RPTOR: variants seen among roughly 807,000 people sequenced by gnomAD.
RPTOR encodes the protein regulatory-associated protein of mTOR.
Under a neutral mutation model 169.9 loss-of-function variants are expected in RPTOR, and 21 were observed. That is an observed-to-expected ratio of 0.12 (90% CI 0.09 to 0.18). The LOEUF (loss-of-function observed/expected upper bound fraction) is 0.18. RPTOR is among the 10% of genes least tolerant of loss of function. The pLI, the probability that RPTOR is intolerant of heterozygous loss-of-function variation, is 1.00. For missense variants in RPTOR, 1,133 were observed against 1,855.9 expected, an observed-to-expected ratio of 0.61 and a Z score of 7.16; for synonymous variants, 732 against 753.2, an observed-to-expected ratio of 0.97 and a Z score of 0.46.
intron 6 of RPTOR, among the ~76,000 whole-genome samples, chr17:80,763,253 A>AAT (rs1567899185): frequency 6.6e-6 from 1 of 152,118 alleles, no homozygotes; most frequent in African/African-American, 2.4e-5. Context: ...CTCTAAAAAA[A>AAT]AATAATAATA....
At chr17:80,716,007 G>A (rs1256557435) in intron 4 of RPTOR, among the ~76,000 whole-genome samples, 2 of 152,154 alleles carry the variant, frequency 1.3e-5, no homozygotes, top group Admixed American at 1.3e-4. Flanking sequence ...TTGCAATTGC[G>A]AATTGTGCTG....
chr17:80,850,011 T>C (rs191441916), intron 11 of RPTOR, among the ~76,000 whole-genome samples: 1 of 152,344 alleles, frequency 6.6e-6, no homozygotes, highest in East Asian at 1.9e-4. Context: ...TTCTTCTTTC[T>C]TTTTCAGGAA....
intron 11 of RPTOR, among the ~76,000 whole-genome samples, chr17:80,853,239 T>G (rs1319006332): frequency 6.6e-6 from 1 of 152,166 alleles, no homozygotes; most frequent in East Asian, 1.9e-4. Context: ...CCCCCATCAC[T>G]GACCTCAGTC....
rs185333074 is a variant in RPTOR, at chr17:80,625,519, C to T, written c.163-172C>T. The stretch of plus-strand genomic sequence containing the variant: ...GTGAAACCCTGCCTTCAAAGAAGGG[C>T]GTTACTCCTGCACTAGGGCTGGGGT... On this transcript the variant is annotated intron_variant, in intron 1 of 33. Coordinates refer to ENST00000306801, the MANE Select transcript of RPTOR (RefSeq NM_020761.3). 1.1e-3 allele frequency among the ~76,000 whole-genome samples: 163 copies of T among 152,248 alleles called. 1 individual carries two copies. Among genetic ancestry groups the T allele is most frequent in the African/African-American group, 3.6e-3 (148 of 41,538 alleles).
At chr17:80,924,057 G>A (rs1237661963) in intron 23 of RPTOR, 7 of 279,136 alleles carry the variant, frequency 2.5e-5, no homozygotes, top group Non-Finnish European at 3.4e-5. Flanking sequence ...CTCTGCGTCC[G>A]CTTGGGGGCA....
chr17:80,580,659 G>A (rs910610587), intron 1 of RPTOR, among the ~76,000 whole-genome samples: 5 of 152,148 alleles, frequency 3.3e-5, no homozygotes, highest in East Asian at 3.8e-4. Context: ...GTCCCACTCC[G>A]TTGCCTGGGG....
At chr17:80,554,499 T>G (rs2084382066) in intron 1 of RPTOR, among the ~76,000 whole-genome samples, 1 of 152,050 alleles carries the variant, frequency 6.6e-6, no homozygotes, top group Non-Finnish European at 1.5e-5. Flanking sequence ...ATCCCAGCAC[T>G]TTGGGAGACT....
At chr17:80,761,598 C>T (rs2066737371) in intron 6 of RPTOR, among the ~76,000 whole-genome samples, 1 of 152,188 alleles carries the variant, frequency 6.6e-6, no homozygotes, top group African/African-American at 2.4e-5. Flanking sequence ...ACATTTGCTT[C>T]GTATTTTTTC....
At chr17:80,891,636 C>T in intron 17 of RPTOR, 84 bp from the exon 18 acceptor site, 3 of 916,332 alleles carry the variant, frequency 3.3e-6, no homozygotes, top group South Asian at 2.9e-5. Flanking sequence ...TTTCTTTTTT[C>T]TGTTGGTGAC....
At chr17:80,926,530 C>T (rs556269793) in intron 24 of RPTOR, among the ~76,000 whole-genome samples, 4 of 152,210 alleles carry the variant, frequency 2.6e-5, no homozygotes, top group Non-Finnish European at 5.9e-5. Context: ...TTTCTAAGAA[C>T]GAAAATTGAG....
chr17:80,886,583 T>C (rs2143849397), intron 17 of RPTOR, among the ~76,000 whole-genome samples: 1 of 152,332 alleles, frequency 6.6e-6, no homozygotes, highest in Middle Eastern at 3.4e-3. Context: ...AAAAACGATA[T>C]GAAAATAGAG....
rs147118017 is a variant in RPTOR at position 80,822,219 on chromosome 17, C to T, written c.909C>T (p.Asn303=). 48 of 1,614,078 alleles carry T rather than the reference C, an allele frequency of 3.0e-5. No individual in the cohort carries two copies. The highest frequency in any genetic ancestry group is 2.5e-4 in the African/African-American group (19 of 74,928). Residue 303 remains asparagine, a synonymous_variant, in exon 8 of 34, where the codon AAC becomes AAT. Coordinates refer to ENST00000306801, the MANE Select transcript of RPTOR (RefSeq NM_020761.3). ...TTTCTAGGATCCCTGGCCGCCTGAACGACAGGAGGACGCCCCTGGGTGAAC... is the reference window on the plus strand; with the variant it reads ...TTTCTAGGATCCCTGGCCGCCTGAATGACAGGAGGACGCCCCTGGGTGAAC... ...DLIEKIPGRL[N]DRRTPLGELN...
At chr17:80,910,537 C>A (rs1430273955) in intron 21 of RPTOR, among the ~76,000 whole-genome samples, 2 of 152,166 alleles carry the variant, frequency 1.3e-5, no homozygotes, top group African/African-American at 4.8e-5. Flanking sequence ...CATCTGACCT[C>A]GTCACGGCTA....
intron 6 of RPTOR, among the ~76,000 whole-genome samples, chr17:80,767,000 C>G (rs1449565114): frequency 6.6e-6 from 1 of 151,974 alleles, no homozygotes; most frequent in Non-Finnish European, 1.5e-5. Context: ...CTAGAGTGCT[C>G]AAGAAAAATA....
intron 17 of RPTOR, among the ~76,000 whole-genome samples, chr17:80,887,342 A>C (rs2068260678): frequency 2.3e-5 from 2 of 86,752 alleles, no homozygotes; most frequent in African/African-American, 9.6e-5. Flanking sequence ...GGGGGGTGCC[A>C]GCTCGGGGGG....
intron 13 of RPTOR, among the ~76,000 whole-genome samples, chr17:80,873,933 T>C (rs2068078396): frequency 6.6e-6 from 1 of 152,112 alleles, no homozygotes; most frequent in Non-Finnish European, 1.5e-5. Context: ...GATACAGACA[T>C]GTGGACCCAA....
At chr17:80,715,247 A>G (rs988981688) in intron 4 of RPTOR, among the ~76,000 whole-genome samples, 2 of 152,256 alleles carry the variant, frequency 1.3e-5, no homozygotes, top group African/African-American at 4.8e-5. Flanking sequence ...AACATCAGCA[A>G]TGAAGGAGAG....
chr17:80,748,587 G>A (rs1271156924), intron 5 of RPTOR, among the ~76,000 whole-genome samples: 15 of 107,270 alleles, frequency 1.4e-4, no homozygotes, highest in African/African-American at 3.0e-4. Flanking sequence ...TTTGGAGGCC[G>A]TGGCGGGAGG....
At chr17:80,938,079 A>G (rs1242762663) in intron 24 of RPTOR, among the ~76,000 whole-genome samples, 1 of 152,234 alleles carries the variant, frequency 6.6e-6, no homozygotes, top group Non-Finnish European at 1.5e-5. Flanking sequence ...CTACAGGCAG[A>G]AGCCCCTGGG....
Sources: gnomAD v4.1 joint callset for allele counts (sites outside exome capture counted in the v4.1 genomes callset) on GRCh38, gnomAD v4.1.1 for gene constraint, MANE v1.5 for transcripts, NCBI Gene and HGNC (gene_info 2026-07-23, HGNC 2026-07-21) for gene names.